SGK1: variants seen among roughly 807,000 people sequenced by gnomAD.
SGK1 encodes the protein serine/threonine-protein kinase Sgk1.
In SGK1, 26 loss-of-function variants were observed where a neutral mutation model predicts 64.2. The observed-to-expected ratio is 0.40, with a 90% CI of 0.30 to 0.56. The LOEUF (loss-of-function observed/expected upper bound fraction) is 0.56, where lower values mean the gene tolerates loss of function less well. Ranked by LOEUF, SGK1 falls within the 20% of genes least tolerant of loss-of-function variation. The pLI is 0.38. For synonymous variants in SGK1, 265 were observed against 239.7 expected (o/e 1.11, Z -0.98); for missense variants, 519 against 645.6 (o/e 0.80, Z 2.12).
Position 134,172,225 on chromosome 6 carries a change from T to A in SGK1, c.1039A>T (p.Ser347Cys). 6.2e-7 allele frequency: 1 copy of A among 1,614,234 alleles called. No homozygotes were observed. Among genetic ancestry groups the A allele is most frequent in the Non-Finnish European group, 8.5e-7 (1 of 1,180,026 alleles). ...GLCKENIEHN[S>C]TTSTFCGTPE... ...GTGCCACAGAAGGTGGATGTTGTGC[T>A]GTTGTGTTCAATGTTCTCCTTGCAG... Residue 347 changes from serine (S) to cysteine (C), a missense_variant, in exon 10 of 14, where the codon AGC (serine) becomes TGC (cysteine). Around this residue, in one of 2 missense-constraint regions of SGK1, gnomAD observed 278 missense variants for 408.7 expected, o/e 0.68. Transcript: ENST00000367858.
intron 4 of SGK1, 133 bp downstream of exon 4, chr6:134,174,378 T>A: frequency 1.5e-6 from 1 of 656,824 alleles, no homozygotes; most frequent in Non-Finnish European, 2.6e-6. Flanking sequence ...TCAAATATAT[T>A]AGAATTTAAG....
chr6:134,279,990 C>T (rs944918640), intron 1 of SGK1, among the ~76,000 whole-genome samples: 1 of 151,918 alleles, frequency 6.6e-6, no homozygotes. Flanking sequence ...GCCAAGAGGT[C>T]GAGACCAGCC....
intron 3 of SGK1, among the ~76,000 whole-genome samples, chr6:134,185,707 T>G (rs1405937516): frequency 6.6e-6 from 1 of 151,950 alleles, no homozygotes; most frequent in East Asian, 1.9e-4. Flanking sequence ...CATACAATTA[T>G]GAAAGCTGAG....
intron 2 of SGK1, chr6:134,261,089 A>G (rs1776760302): frequency 6.6e-6 from 1 of 152,194 alleles, no homozygotes; most frequent in African/African-American, 2.4e-5. Context: ...TGAATCAGTT[A>G]TCTGGTTTTC....
chr6:134,285,849 A>T (rs1185070484), intron 1 of SGK1, among the ~76,000 whole-genome samples: 1 of 152,072 alleles, frequency 6.6e-6, no homozygotes, highest in African/African-American at 2.4e-5. Context: ...AAAAAGATAA[A>T]ATTTGCTGGG....
intron 3 of SGK1, chr6:134,175,491 G>C: frequency 7.3e-7 from 1 of 1,377,188 alleles, no homozygotes; most frequent in South Asian, 1.6e-5. Context: ...CTGCCTCCAA[G>C]CCGCTCTGGG....
intron 1 of SGK1, among the ~76,000 whole-genome samples, chr6:134,310,247 C>A (rs1265204366): frequency 6.6e-6 from 1 of 152,226 alleles, no homozygotes; most frequent in African/African-American, 2.4e-5. Context: ...AACTCAGCTA[C>A]ACTTTCCATT....
chr6:134,190,712 A>G (rs962269949), intron 3 of SGK1, among the ~76,000 whole-genome samples: 2 of 152,176 alleles, frequency 1.3e-5, no homozygotes, highest in Admixed American at 1.3e-4. Context: ...ACCTTGCAAA[A>G]TCCCTCAGGA....
chr6:134,292,837 C>T (rs185721080), intron 1 of SGK1, among the ~76,000 whole-genome samples: 21 of 152,234 alleles, frequency 1.4e-4, no homozygotes, highest in South Asian at 2.1e-4. Context: ...TAAATATTTC[C>T]GTCTTTTAAA....
At chr6:134,251,006 G>T (rs969775158) in intron 2 of SGK1, among the ~76,000 whole-genome samples, 1 of 152,104 alleles carries the variant, frequency 6.6e-6, no homozygotes, top group East Asian at 1.9e-4. Flanking sequence ...TGGGTTCCTG[G>T]GCTCAAGCAA....
intron 1 of SGK1, among the ~76,000 whole-genome samples, chr6:134,292,539 G>A (rs1375746206): frequency 1.3e-5 from 2 of 152,052 alleles, no homozygotes; most frequent in African/African-American, 4.8e-5. Context: ...GCTGCAGTGA[G>A]CCGAGATTGC....
At chr6:134,214,418 C>A (rs1775943435) in intron 2 of SGK1, among the ~76,000 whole-genome samples, 1 of 152,094 alleles carries the variant, frequency 6.6e-6, no homozygotes, top group Non-Finnish European at 1.5e-5. Flanking sequence ...TGGTGAAACC[C>A]CGTCTCTACT....
At chr6:134,315,025 A>G (rs1051093911) in intron 1 of SGK1, among the ~76,000 whole-genome samples, 1 of 152,200 alleles carries the variant, frequency 6.6e-6, no homozygotes, top group East Asian at 1.9e-4. Flanking sequence ...GTATGGTAAC[A>G]GTTACTACAT....
intron 3 of SGK1, among the ~76,000 whole-genome samples, chr6:134,182,318 T>G (rs149551231): frequency 0.013 from 2,043 of 151,638 alleles, 51 homozygotes; most frequent in African/African-American, 0.047. Context: ...GAGGCCAAGG[T>G]GGGTGGGTCA....
chr6:134,232,473 A>AAGAAAGAAAGAAAGAAAG (rs1562259828), intron 2 of SGK1, among the ~76,000 whole-genome samples: 97 of 96,122 alleles, frequency 1.0e-3, no homozygotes, highest in Admixed American at 1.3e-3. Flanking sequence ...GAAAGAAAGA[A>AAGAAAGAAAGAAAGAAAG]AGAAAGAAAG....
At chr6:134,248,357 T>C (rs990644533) in intron 2 of SGK1, among the ~76,000 whole-genome samples, 1 of 151,622 alleles carries the variant, frequency 6.6e-6, no homozygotes, top group Non-Finnish European at 1.5e-5. Context: ...ACAGTTAACA[T>C]TGATACAAGG....
At chr6:134,245,363 G>A (rs954503830) in intron 2 of SGK1, among the ~76,000 whole-genome samples, 5 of 152,218 alleles carry the variant, frequency 3.3e-5, no homozygotes, top group African/African-American at 1.2e-4. Flanking sequence ...GGGAGAAAAT[G>A]CCAGAATTAT....
intron 3 of SGK1, among the ~76,000 whole-genome samples, chr6:134,205,087 G>C (rs942231383): frequency 6.6e-6 from 1 of 152,106 alleles, no homozygotes; most frequent in Non-Finnish European, 1.5e-5. Context: ...AGTCCTGAGG[G>C]CTGCTGGTCA....
chr6:134,205,910 C>T (rs1775760938), intron 3 of SGK1, among the ~76,000 whole-genome samples: 2 of 152,074 alleles, frequency 1.3e-5, no homozygotes, highest in South Asian at 2.1e-4. Flanking sequence ...CTTTTTGCTT[C>T]ACCTTCCCTT....
Sources: allele counts gnomAD v4.1 joint callset (sites outside exome capture counted in the v4.1 genomes callset), GRCh38; gene constraint gnomAD v4.1.1; regional missense constraint gnomAD v4.1.1; transcripts MANE v1.5; gene names NCBI Gene and HGNC (gene_info 2026-07-23, HGNC 2026-07-21).